Variants in NAV3 observed in about 807,000 individuals in gnomAD.
NAV3 encodes the protein pore membrane and/or filament interacting like protein 1.
NAV3 carries 87 observed loss-of-function variants against 244.7 expected under a neutral mutation model. That is an observed-to-expected ratio of 0.36 (90% CI 0.30 to 0.42). The LOEUF (loss-of-function observed/expected upper bound fraction) is 0.42. NAV3 is among the 20% of genes least tolerant of loss of function. NAV3 has a pLI of 1.00. For synonymous variants in NAV3, 1,126 were observed against 1,042.2 expected (o/e 1.08, Z -1.55); for missense variants, 2,663 against 2,893.3 (o/e 0.92, Z 1.83).
intron 1 of NAV3, among the ~76,000 whole-genome samples, chr12:77,908,983 C>T (rs957405165): frequency 6.6e-6 from 1 of 151,956 alleles, no homozygotes; most frequent in Non-Finnish European, 1.5e-5. Flanking sequence ...TTTCATTTGT[C>T]GTTTCACCCT....
intron 5 of NAV3, among the ~76,000 whole-genome samples, chr12:77,985,632 G>A (rs1471615185): frequency 1.3e-5 from 2 of 151,710 alleles, no homozygotes; most frequent in Non-Finnish European, 2.9e-5. Flanking sequence ...CTACACGAGC[G>A]ATGTTCAACC....
chr12:78,080,630 T>C (rs533839218), intron 12 of NAV3, among the ~76,000 whole-genome samples: 109 of 152,318 alleles, frequency 7.2e-4, no homozygotes, highest in African/African-American at 2.1e-3. Context: ...AAATAGATCA[T>C]AATTCTCAAT....
intron 2 of NAV3, among the ~76,000 whole-genome samples, chr12:77,653,966 G>T (rs1872945758): frequency 1.3e-5 from 2 of 152,152 alleles, no homozygotes; most frequent in African/African-American, 4.8e-5. Flanking sequence ...GAGATAGTTG[G>T]GGGAGGAGCC....
At chr12:78,058,965 T>C (rs2137403290) in intron 11 of NAV3, 31 bp from the exon 12 acceptor site, 1 of 1,559,742 alleles carries the variant, frequency 6.4e-7, no homozygotes, top group South Asian at 1.2e-5. Context: ...TGATTTAGTT[T>C]TCTGTGAATT....
intron 1 of NAV3, among the ~76,000 whole-genome samples, chr12:77,834,825 T>A (rs1468146026): frequency 2.0e-5 from 3 of 152,142 alleles, no homozygotes; most frequent in Admixed American, 2.0e-4. Context: ...TGGTCAGCAG[T>A]TCAGAATATT....
intron 12 of NAV3, among the ~76,000 whole-genome samples, chr12:78,104,502 G>T (rs561964910): frequency 6.6e-6 from 1 of 152,100 alleles, no homozygotes. Flanking sequence ...GTGAATCCAG[G>T]AGTGAATCCA....
chr12:77,678,246 A>G (rs1874293714), intron 2 of NAV3, among the ~76,000 whole-genome samples: 1 of 152,168 alleles, frequency 6.6e-6, no homozygotes, highest in African/African-American at 2.4e-5. Flanking sequence ...AAAATGTATA[A>G]CCAATCTTAT....
intron 12 of NAV3, among the ~76,000 whole-genome samples, chr12:78,065,900 A>G (rs17044836): frequency 0.06 from 9,107 of 152,210 alleles, 608 homozygotes; most frequent in African/African-American, 0.17. Flanking sequence ...TAAGGTGATA[A>G]GTCTTAAGGA....
At chr12:78,073,629 A>G (rs1459029982) in intron 12 of NAV3, among the ~76,000 whole-genome samples, 2 of 152,206 alleles carry the variant, frequency 1.3e-5, no homozygotes, top group Admixed American at 6.5e-5. Context: ...TAATTTATAG[A>G]TTTAATGCCA....
chr12:77,841,319 G>C (rs1875607172), intron 1 of NAV3, among the ~76,000 whole-genome samples: 1 of 152,166 alleles, frequency 6.6e-6, no homozygotes, highest in African/African-American at 2.4e-5. Flanking sequence ...TCTTTTTGCT[G>C]TATTTTGATA....
intron 2 of NAV3, among the ~76,000 whole-genome samples, chr12:77,631,275 T>C (rs1294015336): frequency 1.3e-5 from 2 of 152,102 alleles, no homozygotes; most frequent in Non-Finnish European, 2.9e-5. Flanking sequence ...ATTATGCAAA[T>C]GTACAAGCTG....
intron 1 of NAV3, among the ~76,000 whole-genome samples, chr12:77,842,682 T>A (rs1031790082): frequency 6.6e-6 from 1 of 151,264 alleles, no homozygotes; most frequent in Non-Finnish European, 1.5e-5. Context: ...GGTCACCGAG[T>A]GGGAATGTGT....
intron 2 of NAV3, among the ~76,000 whole-genome samples, chr12:77,763,131 G>A (rs558064689): frequency 1.2e-3 from 178 of 152,204 alleles, no homozygotes; most frequent in African/African-American, 4.1e-3. Flanking sequence ...CTGTACCCCT[G>A]CCTTCTACAT....
intron 2 of NAV3, among the ~76,000 whole-genome samples, chr12:77,575,423 G>A (rs1869034235): frequency 6.6e-6 from 1 of 151,974 alleles, no homozygotes; most frequent in Admixed American, 6.6e-5. Flanking sequence ...GCTGGTATTG[G>A]GCCATAACCC....
At chr12:77,920,405 A>G (rs997182486) in intron 1 of NAV3, among the ~76,000 whole-genome samples, 3 of 152,048 alleles carry the variant, frequency 2.0e-5, no homozygotes, top group African/African-American at 7.2e-5. Flanking sequence ...TTGGACATGA[A>G]GAAAATGGAA....
chr12:77,969,156 G>A (rs1892779008), intron 5 of NAV3, among the ~76,000 whole-genome samples: 1 of 151,760 alleles, frequency 6.6e-6, no homozygotes, highest in Non-Finnish European at 1.5e-5. Flanking sequence ...GTGTGTGTGT[G>A]TGTGTGTGTG....
At chr12:77,873,846 A>T (rs1337219014) in intron 1 of NAV3, among the ~76,000 whole-genome samples, 1 of 149,184 alleles carries the variant, frequency 6.7e-6, no homozygotes, top group East Asian at 2.0e-4. Flanking sequence ...ATATGTAAGA[A>T]TGTGCATTTC....
At chr12:77,655,992 G>A (rs943106681) in intron 2 of NAV3, among the ~76,000 whole-genome samples, 1 of 146,366 alleles carries the variant, frequency 6.8e-6, no homozygotes, top group African/African-American at 2.7e-5. Flanking sequence ...AGTACCAGCT[G>A]CTGCAAAATC....
Position 77,673,966 on chromosome 12 carries a change from A to G in NAV3, c.72+101700A>G, listed in dbSNP as rs1391207146. 2.6e-5 allele frequency among the ~76,000 whole-genome samples: 4 copies of G among 152,158 alleles called. No homozygotes were observed. In the South Asian group the frequency reaches 8.3e-4, roughly 31 times the overall value. ...CACTGCATATGTTTTTGTTAAAAAT[A>G]TTAACTCCCTGAATTCTCATTACCT... On this transcript the variant is annotated intron_variant, in intron 2 of 8. Transcript: ENST00000550042.
Sources: allele counts gnomAD v4.1 joint callset (sites outside exome capture counted in the v4.1 genomes callset), GRCh38; gene constraint gnomAD v4.1.1; transcripts MANE v1.5; gene names NCBI Gene and HGNC (gene_info 2026-07-23, HGNC 2026-07-21).